The following REELD1 variants were observed in gnomAD, a reference collection of about 807,000 sequenced individuals.
The protein encoded by REELD1 is reelin domain-containing protein 1.
REELD1 carries 12 observed loss-of-function variants against 6.3 expected under a neutral mutation model. That is an observed-to-expected ratio of 1.89 (90% confidence interval 1.21 to 3.07). The LOEUF (loss-of-function observed/expected upper bound fraction) is 3.07. REELD1 is among the 30% of genes most tolerant of loss of function. REELD1 has a pLI of 0.00. For synonymous variants in REELD1, 57 were observed against 33.6 expected, an observed-to-expected ratio of 1.70 and a Z score of -2.42; for missense variants, 163 against 86.8, an observed-to-expected ratio of 1.88 and a Z score of -3.49.
rs1731107048 is a variant in REELD1, at chr4:146,230,329, A to G, written c.1397A>G (p.His466Arg). The change falls in exon 8 of 8, where the codon CAC (histidine) becomes CGC (arginine). Residue 466 changes from histidine (H) to arginine (R), a missense_variant. Coordinates refer to ENST00000623665, the MANE Select transcript of REELD1 (RefSeq NM_001354631.1). ...CTGGCCGCTGGCCTTCGCTACCTGC[A>G]CACCCAGTATTGCCACCAGCAGACA... is the stretch of plus-strand genomic sequence containing the variant. ...MALAAGLRYL[H>R]TQYCHQQTEV... The G allele has an allele frequency of 2.5e-6, 1 of 398,960 alleles. No individual in the cohort carries two copies. 24.7% of individuals were successfully genotyped at this position (398,960 alleles called of 1,614,324 possible). A position where few individuals can be genotyped will look rare whatever the true frequency, so the allele number is the denominator to read the frequency against.
chr4:146,223,242 G>A (rs557041339), intron 4 of REELD1, among the ~76,000 whole-genome samples: 3 of 152,114 alleles, frequency 2.0e-5, no homozygotes, highest in Non-Finnish European at 4.4e-5. Flanking sequence ...TAAATATGAA[G>A]GAGACTGCGC....
intron 3 of REELD1, among the ~76,000 whole-genome samples, chr4:146,217,418 AT>A (rs11432515): frequency 6.6e-6 from 1 of 151,322 alleles, no homozygotes; most frequent in South Asian, 2.1e-4. Context: ...AATTTTTTGT[AT>A]TTTTTTTAGA....
intron 5 of REELD1, among the ~76,000 whole-genome samples, chr4:146,226,852 C>T (rs995210127): frequency 6.6e-6 from 1 of 152,330 alleles, no homozygotes; most frequent in East Asian, 1.9e-4. Flanking sequence ...CTCACTACAA[C>T]CTCCACCTCC....
At chr4:146,219,006 C>T (rs982654201) in intron 3 of REELD1, among the ~76,000 whole-genome samples, 9 of 152,004 alleles carry the variant, frequency 5.9e-5, no homozygotes, top group African/African-American at 1.4e-4. Context: ...CAGAAATTAG[C>T]CAGGCATGGT....
At chr4:146,229,375 A>T (rs994183926) in intron 7 of REELD1, among the ~76,000 whole-genome samples, 1 of 152,170 alleles carries the variant, frequency 6.6e-6, no homozygotes, top group Non-Finnish European at 1.5e-5. Flanking sequence ...CTCCTTCATA[A>T]CATTGACCTC....
rs1321533177 is a variant in REELD1, at chr4:146,231,338, T to C, written c.*825T>C. On this transcript the variant is annotated 3_prime_UTR_variant, in exon 8 of 8. Transcript: ENST00000623665. ...CCAAAGGTCAGGCTGAAAAACATTATTATACCAGCATAGTTTGAAGAACAG... is the reference window on the plus strand; with the variant it reads ...CCAAAGGTCAGGCTGAAAAACATTACTATACCAGCATAGTTTGAAGAACAG... Among the ~76,000 whole-genome samples, 1 of 152,218 alleles carries C rather than the reference T, an allele frequency of 6.6e-6. No homozygotes were observed. Among genetic ancestry groups the C allele is most frequent in the Non-Finnish European group, 1.5e-5 (1 of 68,040 alleles).
rs750364724 is a variant in REELD1 at position 146,231,480 on chromosome 4, A to C, written c.*967A>C. Among the ~76,000 whole-genome samples, 1 of 152,216 alleles carries C rather than the reference A, an allele frequency of 6.6e-6. No homozygotes were observed. Among genetic ancestry groups the C allele is most frequent in the Non-Finnish European group, 1.5e-5 (1 of 68,040 alleles). On this transcript the variant is annotated 3_prime_UTR_variant, in exon 8 of 8. Transcript: ENST00000623665. Reference sequence around the variant, plus strand: ...ATTTAACAGTGGCTCCACAGATACTATCTGAGGTCAAAACAACAGATCTGA... The same window carrying C: ...ATTTAACAGTGGCTCCACAGATACTCTCTGAGGTCAAAACAACAGATCTGA...
In REELD1 at chr4:146,229,824, AC is replaced by A. The variant is rs199843309; in HGVS notation, c.973-77del. On this transcript the variant is annotated intron_variant, in intron 7 of 7. Transcript: ENST00000623665. ...GCTGCCTCCTGGGAGTCTTTAAGGAACCCCAGTTAGTTACAAAGTTCAGTGG... is the reference window on the plus strand; with the variant it reads ...GCTGCCTCCTGGGAGTCTTTAAGGAACCCAGTTAGTTACAAAGTTCAGTGG... 1,034 of 397,658 alleles carry A rather than the reference AC, an allele frequency of 2.6e-3. 15 individuals are homozygous for A. Among genetic ancestry groups the A allele is most frequent in the African/African-American group, 0.019 (922 of 48,658 alleles). The allele number at this position is 397,658 out of a possible 1,614,324, so 24.6% of individuals were successfully genotyped here. A position where few individuals can be genotyped will look rare whatever the true frequency, so the allele number is the denominator to read the frequency against.
chr4:146,227,832 G>A (rs1003390125), intron 5 of REELD1, among the ~76,000 whole-genome samples: 8 of 152,306 alleles, frequency 5.3e-5, no homozygotes, highest in Admixed American at 5.2e-4. Flanking sequence ...GGGCAAGAAA[G>A]ATCTAGGGCT....
chr4:146,218,831 G>C (rs541042680), intron 3 of REELD1, among the ~76,000 whole-genome samples: 17 of 152,172 alleles, frequency 1.1e-4, no homozygotes, highest in Admixed American at 9.2e-4. Context: ...TCTGTGGCTA[G>C]GGGAATAACA....
intron 4 of REELD1, among the ~76,000 whole-genome samples, chr4:146,224,033 A>G (rs1369475413): frequency 6.6e-6 from 1 of 152,252 alleles, no homozygotes; most frequent in Non-Finnish European, 1.5e-5. Context: ...AAGGGTAGAC[A>G]TGTACAATTA....
At chr4:146,215,992 C>A (rs991226848) in intron 2 of REELD1, among the ~76,000 whole-genome samples, 1 of 152,180 alleles carries the variant, frequency 6.6e-6, no homozygotes, top group Non-Finnish European at 1.5e-5. Flanking sequence ...CTCACGCAAT[C>A]CACCTGCCTC....
chr4:146,221,563 A>C (rs543620635), intron 3 of REELD1, among the ~76,000 whole-genome samples: 140 of 152,352 alleles, frequency 9.2e-4, no homozygotes, highest in Non-Finnish European at 1.2e-3. Context: ...AATTGCTTTA[A>C]AAATTATTAC....
intron 2 of REELD1, 54 bp from the exon 3 acceptor site, chr4:146,216,888 A>G (rs1030737941): frequency 2.5e-6 from 1 of 398,046 alleles, no homozygotes; most frequent in Middle Eastern, 6.3e-4. Flanking sequence ...AGAAGACTTT[A>G]TGTCGTTTTC....
intron 3 of REELD1, among the ~76,000 whole-genome samples, chr4:146,218,801 G>C (rs895686223): frequency 5.3e-5 from 8 of 152,138 alleles, no homozygotes; most frequent in African/African-American, 1.9e-4. Context: ...GAAGGGATTG[G>C]TATGTCAGTA....
chr4:146,221,908 C>T (rs552410860), intron 3 of REELD1, among the ~76,000 whole-genome samples: 1 of 151,922 alleles, frequency 6.6e-6, no homozygotes, highest in South Asian at 2.1e-4. Context: ...TGTATCCTTT[C>T]ATTATTTTGA....
chr4:146,230,391 G>A lies in REELD1; in HGVS notation c.1459G>A (p.Ala487Thr), dbSNP rs1230351429. 2 of 398,692 alleles carry A rather than the reference G, an allele frequency of 5.0e-6. No individual in the cohort carries two copies. Among genetic ancestry groups the A allele is most frequent in the Middle Eastern group, 6.2e-4 (1 of 1,610 alleles). 24.7% of individuals were successfully genotyped at this position (398,692 alleles called of 1,614,324 possible). ...CAGTGAGCCCGCTTCGGATGCTGTTGCCAGGAGCAACAGTGGTGAGACTGT... is the reference window on the plus strand; with the variant it reads ...CAGTGAGCCCGCTTCGGATGCTGTTACCAGGAGCAACAGTGGTGAGACTGT... ...SFSEPASDAV[A>T]RSNSGETVHV... Residue 487 changes from alanine to threonine, a missense_variant, in exon 8 of 8, where the codon GCC becomes ACC. Transcript: ENST00000623665.
chr4:146,215,898 A>G (rs927616194), intron 2 of REELD1, among the ~76,000 whole-genome samples: 2 of 151,942 alleles, frequency 1.3e-5, no homozygotes, highest in African/African-American at 4.8e-5. Flanking sequence ...CTATAGGCAC[A>G]TGCCACCACA....
At chr4:146,222,609 A>G (rs929089762) in intron 4 of REELD1, 30 bp downstream of exon 4, 11 of 398,378 alleles carry the variant, frequency 2.8e-5, no homozygotes, top group African/African-American at 2.3e-4. Flanking sequence ...TTTCTTAGAA[A>G]CTGAGCCTTC....
Sources: gnomAD v4.1 joint callset for allele counts (sites outside exome capture counted in the v4.1 genomes callset) on GRCh38, gnomAD v4.1.1 for gene constraint, MANE v1.5 for transcripts, NCBI Gene and HGNC (gene_info 2026-07-23, HGNC 2026-07-21) for gene names.